Variants in ZNF469 observed in about 807,000 individuals in gnomAD.
ZNF469 encodes zinc finger protein 469.
In ZNF469, 1 loss-of-function variant was observed where a neutral mutation model predicts 1.0. The ratio of observed to expected loss-of-function variants is 1.00; its 90% CI spans 0.35 to 4.73. The LOEUF is 4.73. Ranked by LOEUF, ZNF469 falls within the 30% of genes most tolerant of loss-of-function variation. The pLI is 0.16. For missense variants in ZNF469, 6,100 were observed against 5,356.3 expected, an observed-to-expected ratio of 1.14 and a Z score of -4.33; for synonymous variants, 2,703 against 2,363.4, an observed-to-expected ratio of 1.14 and a Z score of -4.17.
the ZNF469 span, among the ~76,000 whole-genome samples, chr16:88,157,212 C>A: frequency 2.0e-5 from 3 of 151,748 alleles, no homozygotes; most frequent in Non-Finnish European, 2.9e-5. Context: ...AAGCCGACAC[C>A]CCCACCTCAC....
the ZNF469 span, among the ~76,000 whole-genome samples, chr16:88,313,830 G>A: frequency 2.6e-5 from 4 of 151,230 alleles, no homozygotes; most frequent in African/African-American, 4.9e-5. Flanking sequence ...GGCAGTGCTG[G>A]TGTGGGCTGT....
Position 88,432,529 on chromosome 16 carries a change from C to T in ZNF469, c.5059C>T (p.Pro1687Ser). 1 of 1,550,360 alleles carries T rather than the reference C, an allele frequency of 6.5e-7. No individual in the cohort carries two copies. The highest frequency in any genetic ancestry group is 8.7e-7 in the Non-Finnish European group (1 of 1,146,978). ...CCTGGTTTCTGGGGCTCCTTTCAGC[C>T]CCAGGGGAGCCAACTTCCATTTTCA... ...EDLVSGAPFSPRGANFHFQPV... is the reference protein window; with the variant it reads ...EDLVSGAPFSSRGANFHFQPV... The change falls in exon 3 of 3, where the codon CCC becomes TCC. Residue 1687 changes from proline (P) to serine (S), a missense_variant. Transcript: ENST00000565624.
the ZNF469 span, among the ~76,000 whole-genome samples, chr16:88,108,243 G>A: frequency 1.4e-5 from 2 of 146,446 alleles, no homozygotes; most frequent in East Asian, 3.9e-4. Flanking sequence ...GCGGGGAGGG[G>A]GGTCCATGTC....
chr16:88,103,887 CA>C, the ZNF469 span, among the ~76,000 whole-genome samples: 523 of 147,650 alleles, frequency 3.5e-3, 2 homozygotes, highest in African/African-American at 0.012. Context: ...CACGAGGGGG[CA>C]GTGGAATAAT....
chr16:88,113,974 C>A, the ZNF469 span, among the ~76,000 whole-genome samples: 1 of 152,240 alleles, frequency 6.6e-6, no homozygotes, highest in African/African-American at 2.4e-5. Flanking sequence ...GTGGGCCGTG[C>A]GATGGGAGGT....
chr16:88,267,448 G>A, the ZNF469 span, among the ~76,000 whole-genome samples: 1 of 152,264 alleles, frequency 6.6e-6, no homozygotes, highest in Non-Finnish European at 1.5e-5. Flanking sequence ...GTGGTGAGGA[G>A]GGGTCCGGGG....
the ZNF469 span, among the ~76,000 whole-genome samples, chr16:88,106,184 C>T: frequency 3.9e-5 from 6 of 152,300 alleles, no homozygotes; most frequent in African/African-American, 7.2e-5. Context: ...GCCAGCAGGC[C>T]GTGCTCCAGC....
At chr16:88,306,341 C>T in the ZNF469 span, among the ~76,000 whole-genome samples, 4 of 152,256 alleles carry the variant, frequency 2.6e-5, no homozygotes, top group Non-Finnish European at 5.9e-5. Context: ...CGTGCCCTGC[C>T]TCTGCCTCCT....
intron 1 of ZNF469, among the ~76,000 whole-genome samples, chr16:88,421,573 T>C (rs1905459246): frequency 6.6e-6 from 1 of 152,112 alleles, no homozygotes; most frequent in Non-Finnish European, 1.5e-5. Context: ...CCTGGGGTGC[T>C]GCAGGCAAAT....
At chr16:88,385,174 T>C (rs182948796) in intron 1 of ZNF469, among the ~76,000 whole-genome samples, 161 of 152,190 alleles carry the variant, frequency 1.1e-3, no homozygotes, top group Non-Finnish European at 1.7e-3. Context: ...TGAACGGAAG[T>C]AAACCTGAAC....
chr16:88,344,954 C>A, the ZNF469 span, among the ~76,000 whole-genome samples: 2 of 152,218 alleles, frequency 1.3e-5, no homozygotes, highest in African/African-American at 4.8e-5. Context: ...CCCCGACATC[C>A]CTGACAATGT....
intron 1 of ZNF469, among the ~76,000 whole-genome samples, chr16:88,385,097 C>G (rs986760066): frequency 3.3e-5 from 5 of 152,220 alleles, no homozygotes; most frequent in Non-Finnish European, 5.9e-5. Context: ...CATTCCTGGT[C>G]AGGCCCCATC....
chr16:88,263,693 C>T, the ZNF469 span, among the ~76,000 whole-genome samples: 2 of 152,242 alleles, frequency 1.3e-5, no homozygotes, highest in African/African-American at 2.4e-5. Flanking sequence ...CCAGAGGACC[C>T]GTAGCCCCTT....
chr16:88,382,180 C>T (rs1033619928), upstream of ZNF469, among the ~76,000 whole-genome samples: 2 of 152,262 alleles, frequency 1.3e-5, no homozygotes, highest in African/African-American at 4.8e-5. Context: ...TGGAGGAGGC[C>T]CACACGCCCC....
At chr16:88,255,767 T>A in the ZNF469 span, among the ~76,000 whole-genome samples, 1 of 151,928 alleles carries the variant, frequency 6.6e-6, no homozygotes, top group Non-Finnish European at 1.5e-5. Flanking sequence ...AGACTAAGAG[T>A]ATGGAAGGGT....
At chr16:88,177,284 T>C in the ZNF469 span, 1 of 151,918 alleles carries the variant, frequency 6.6e-6, no homozygotes, top group Non-Finnish European at 1.5e-5. The surrounding 1 kb of genome is among the most constrained non-coding windows in gnomAD (Gnocchi z 4.8). Flanking sequence ...AAATGCAAGG[T>C]TGAATTAGGC....
At chr16:88,240,471 G>C in the ZNF469 span, among the ~76,000 whole-genome samples, 6 of 152,206 alleles carry the variant, frequency 3.9e-5, no homozygotes, top group African/African-American at 1.4e-4. Flanking sequence ...TCGGTCACGG[G>C]CATGCTGACC....
the ZNF469 span, among the ~76,000 whole-genome samples, chr16:88,246,665 C>T: frequency 6.6e-6 from 1 of 152,204 alleles, no homozygotes; most frequent in Non-Finnish European, 1.5e-5. Context: ...TGCTGATCTG[C>T]AGGTACAGGG....
the ZNF469 span, among the ~76,000 whole-genome samples, chr16:88,152,640 A>G: frequency 1.3e-5 from 2 of 151,912 alleles, no homozygotes; most frequent in African/African-American, 4.8e-5. The surrounding 1 kb of genome is among the most constrained non-coding windows in gnomAD (Gnocchi z 4.2). Context: ...CTAATTGGAA[A>G]AAACCATTTG....
Sources: allele counts gnomAD v4.1 joint callset (sites outside exome capture counted in the v4.1 genomes callset), GRCh38; gene constraint gnomAD v4.1.1; non-coding constraint Gnocchi (gnomAD v3.1); transcripts MANE v1.5; gene names NCBI Gene and HGNC (gene_info 2026-07-23, HGNC 2026-07-21).